THSD4: variants seen among roughly 807,000 people sequenced by gnomAD.
THSD4 encodes thrombospondin type-1 domain-containing protein 4.
Under a neutral mutation model 119.0 loss-of-function variants are expected in THSD4, and 69 were observed. The observed-to-expected ratio is 0.58, with a 90% CI of 0.48 to 0.71. The LOEUF is 0.71. Among genes scored for constraint, THSD4 ranks in the 30% least tolerant of loss-of-function variants. The pLI is 0.00. For synonymous variants in THSD4, 524 were observed against 540.4 expected, an observed-to-expected ratio of 0.97 and a Z score of 0.42; for missense variants, 1,393 against 1,391.1, an observed-to-expected ratio of 1.00 and a Z score of -0.02.
chr15:71,772,825 C>T (rs1369262818), intron 17 of THSD4, among the ~76,000 whole-genome samples: 1 of 152,120 alleles, frequency 6.6e-6, no homozygotes, highest in African/African-American at 2.4e-5. Flanking sequence ...ATTGAGACCA[C>T]ACTGAAGATC....
In THSD4 at chr15:71,297,320, TTTTGTTTGTTTGTTTG is replaced by T. The variant is rs1555461740; in HGVS notation, c.1015+40621_1015+40636del. 2.8e-4 allele frequency among the ~76,000 whole-genome samples: 41 copies of T among 148,088 alleles called. 1 individual carries two copies. The highest frequency in any genetic ancestry group is 9.5e-4 in the African/African-American group (38 of 40,198). ...AAGTCCTTTGCTCTCCTCTTCTTTTTTTTGTTTGTTTGTTTGTTTGTTTGTTTGTTTCTGAGACGGA... is the reference window on the plus strand; with the variant it reads ...AAGTCCTTTGCTCTCCTCTTCTTTTTTTTGTTTGTTTGTTTCTGAGACGGA... On this transcript the variant is annotated intron_variant, in intron 6 of 17. Coordinates refer to ENST00000261862, the MANE Select transcript of THSD4 (RefSeq NM_024817.3).
chr15:71,573,124 A>G (rs574899424), intron 7 of THSD4, among the ~76,000 whole-genome samples: 12 of 152,262 alleles, frequency 7.9e-5, no homozygotes, highest in Non-Finnish European at 1.8e-4. Flanking sequence ...GAGGGACAAC[A>G]GACTTAGGGT....
At chr15:71,574,799 A>C (rs563534258) in intron 7 of THSD4, among the ~76,000 whole-genome samples, 20 of 152,236 alleles carry the variant, frequency 1.3e-4, no homozygotes, top group East Asian at 3.9e-4. Flanking sequence ...TTTCCACAGG[A>C]ATTGATATGG....
At chr15:71,760,585 C>T (rs2053612815) in intron 15 of THSD4, among the ~76,000 whole-genome samples, 1 of 152,226 alleles carries the variant, frequency 6.6e-6, no homozygotes, top group South Asian at 2.1e-4. Context: ...TCTGAGTTTA[C>T]TGCAACCTTA....
chr15:71,588,757 A>G (rs557637252), intron 7 of THSD4, among the ~76,000 whole-genome samples: 31 of 152,324 alleles, frequency 2.0e-4, no homozygotes, highest in African/African-American at 9.6e-5. Context: ...AATGAGGCTT[A>G]TGTTCAAGGG....
intron 7 of THSD4, among the ~76,000 whole-genome samples, chr15:71,595,042 G>A (rs1163127431): frequency 6.6e-6 from 1 of 152,196 alleles, no homozygotes; most frequent in Admixed American, 6.5e-5. Context: ...AACAGGAAAA[G>A]TTTGGAATAG....
chr15:71,533,163 C>T (rs1034178471), intron 7 of THSD4, among the ~76,000 whole-genome samples: 7 of 152,146 alleles, frequency 4.6e-5, no homozygotes, highest in African/African-American at 9.7e-5. Flanking sequence ...GGCAAATCCC[C>T]GGTAATCTGA....
intron 6 of THSD4, among the ~76,000 whole-genome samples, chr15:71,389,223 T>A (rs562241503): frequency 6.6e-6 from 1 of 152,300 alleles, no homozygotes; most frequent in East Asian, 1.9e-4. Context: ...GTGCAACAAA[T>A]CTCTAGCATT....
chr15:71,320,872 G>C (rs546174581), intron 6 of THSD4, among the ~76,000 whole-genome samples: 1 of 152,102 alleles, frequency 6.6e-6, no homozygotes, highest in African/African-American at 2.4e-5. Context: ...AATTGAGCTA[G>C]TCTTCAATTG....
chr15:71,331,167 A>C (rs558180358), intron 6 of THSD4, among the ~76,000 whole-genome samples: 1 of 152,314 alleles, frequency 6.6e-6, no homozygotes, highest in East Asian at 1.9e-4. Context: ...GCGTCTCCCC[A>C]GCCACCTAGG....
At chr15:71,346,746 G>A (rs772312703) in intron 6 of THSD4, among the ~76,000 whole-genome samples, 10 of 151,720 alleles carry the variant, frequency 6.6e-5, no homozygotes, top group South Asian at 4.1e-4. Context: ...TGGGCAATGC[G>A]TCTTATGTAT....
chr15:71,260,285 A>T (rs1305346417), intron 6 of THSD4, among the ~76,000 whole-genome samples: 1 of 152,118 alleles, frequency 6.6e-6, no homozygotes, highest in Non-Finnish European at 1.5e-5. Flanking sequence ...TTTTTTGAAC[A>T]TTTGATTTAA....
chr15:71,459,164 T>C (rs1215342040), intron 7 of THSD4, among the ~76,000 whole-genome samples: 2 of 146,144 alleles, frequency 1.4e-5, no homozygotes, highest in Non-Finnish European at 1.5e-5. Context: ...TTTTTTCTTT[T>C]TTTTTTTTTT....
At chr15:71,562,433 T>C (rs2049139774) in intron 7 of THSD4, among the ~76,000 whole-genome samples, 1 of 152,186 alleles carries the variant, frequency 6.6e-6, no homozygotes, top group South Asian at 2.1e-4. Context: ...CTTATCATAT[T>C]ATGATTCATC....
At chr15:71,459,654 A>G (rs2047400112) in intron 7 of THSD4, among the ~76,000 whole-genome samples, 1 of 152,240 alleles carries the variant, frequency 6.6e-6, no homozygotes. Context: ...TTCCCAAAGT[A>G]AAAATGACCC....
At chr15:71,253,692 G>A (rs773986793) in intron 5 of THSD4, among the ~76,000 whole-genome samples, 6 of 152,164 alleles carry the variant, frequency 3.9e-5, no homozygotes, top group African/African-American at 1.2e-4. Flanking sequence ...ATAGCCGTGA[G>A]CCACTGCATC....
intron 6 of THSD4, among the ~76,000 whole-genome samples, chr15:71,402,597 C>G (rs541830384): frequency 6.6e-6 from 1 of 152,162 alleles, no homozygotes; most frequent in African/African-American, 2.4e-5. Context: ...AGGGAGAGCC[C>G]TGAAGAGTTA....
At chr15:71,397,828 A>C (rs577478043) in intron 6 of THSD4, among the ~76,000 whole-genome samples, 1 of 152,218 alleles carries the variant, frequency 6.6e-6, no homozygotes, top group Non-Finnish European at 1.5e-5. Context: ...AATAGTGTCT[A>C]CTTCTCTAAG....
chr15:71,172,952 T>G lies in THSD4; in HGVS notation c.99+18020T>G, dbSNP rs541600130. Among the ~76,000 whole-genome samples the G allele has an allele frequency of 2.6e-5, 4 of 151,652 alleles. No homozygotes were observed. The South Asian group carries it at 8.3e-4, about 32-fold the overall frequency. ...CTACGGTGAACATCATACTCAATGG[T>G]GAAAGCAAAAACAATACAAGGATGC... On this transcript the variant is annotated intron_variant, in intron 3 of 17. Coordinates refer to ENST00000261862, the MANE Select transcript of THSD4 (RefSeq NM_024817.3).
Sources: gnomAD v4.1 joint callset for allele counts (sites outside exome capture counted in the v4.1 genomes callset) on GRCh38, gnomAD v4.1.1 for gene constraint, MANE v1.5 for transcripts, NCBI Gene and HGNC (gene_info 2026-07-23, HGNC 2026-07-21) for gene names.